GPRC5C: variants seen among roughly 807,000 people sequenced by gnomAD.
GPRC5C encodes G protein-coupled receptor family C group 5 member C.
Under a neutral mutation model 31.4 loss-of-function variants are expected in GPRC5C, and 22 were observed. That is an observed-to-expected ratio of 0.70 (90% CI 0.50 to 1.00). The LOEUF (loss-of-function observed/expected upper bound fraction) is 1.00. Ranked by LOEUF, GPRC5C falls within the 50% of genes least tolerant of loss-of-function variation. The pLI, the probability that GPRC5C is intolerant of heterozygous loss-of-function variation, is 0.00. For synonymous variants in GPRC5C, 249 were observed against 257.5 expected (o/e 0.97, Z 0.32); for missense variants, 557 against 597.2 (o/e 0.93, Z 0.70).
At chr17:74,438,229 A>ATG (rs1405023223) in intron 1 of GPRC5C, among the ~76,000 whole-genome samples, 4 of 112,780 alleles carry the variant, frequency 3.5e-5, no homozygotes, top group African/African-American at 2.0e-4. Flanking sequence ...ATATATATAT[A>ATG]TATATATATA....
intron 1 of GPRC5C, among the ~76,000 whole-genome samples, chr17:74,432,991 C>T (rs1049255274): frequency 2.0e-5 from 3 of 152,030 alleles, no homozygotes; most frequent in Non-Finnish European, 4.4e-5. Flanking sequence ...TTCAGAATCC[C>T]CCTGAGGGAA....
intron 1 of GPRC5C, 56 bp downstream of exon 1, chr17:74,432,197 C>G (rs754731705): frequency 3.2e-6 from 5 of 1,574,354 alleles, no homozygotes; most frequent in Middle Eastern, 1.7e-4. Context: ...ACGGAGCGCA[C>G]GTACCTGGAG....
chr17:74,448,846 C>A, downstream of GPRC5C: 1 of 1,289,180 alleles, frequency 7.8e-7, no homozygotes, highest in Non-Finnish European at 1.0e-6. Context: ...CCCAGAGAGG[C>A]CAGGCCAACA....
chr17:74,439,035 A>G (rs761735432), intron 1 of GPRC5C, among the ~76,000 whole-genome samples: 2 of 151,928 alleles, frequency 1.3e-5, no homozygotes, highest in African/African-American at 2.4e-5. Context: ...CCTGGTTCTT[A>G]CTTTTAAAAT....
At chr17:74,432,520 C>T (rs902464852) in intron 1 of GPRC5C, 19 of 1,009,668 alleles carry the variant, frequency 1.9e-5, no homozygotes, top group Non-Finnish European at 2.2e-5. Flanking sequence ...GCGGCGAGTC[C>T]CAGGTAAGGG....
At position 74,443,995 on chromosome 17, in the gene GPRC5C, C is replaced by T. The variant is rs2055586602; in HGVS notation, c.1146+83C>T. On this transcript the variant is annotated intron_variant, in intron 3 of 3. Transcript: ENST00000392627. ...AGGCCAGTGGGAGAAGGCCATGTGGCCAGAGCTGGGTTGGGTGGAGGTGGT... is the reference window on the plus strand; with the variant it reads ...AGGCCAGTGGGAGAAGGCCATGTGGTCAGAGCTGGGTTGGGTGGAGGTGGT... 5.1e-6 allele frequency: 5 copies of T among 973,652 alleles called. No individual in the cohort carries two copies. The South Asian group carries it at 6.9e-5, about 13-fold the overall frequency. The allele number at this position is 973,652 out of a possible 1,614,324, so 60.3% of individuals were successfully genotyped here. A position where few individuals can be genotyped will look rare whatever the true frequency, so the allele number is the denominator to read the frequency against.
chr17:74,436,893 G>A lies in GPRC5C; in HGVS notation c.-32-2852G>A, dbSNP rs1598427428. ...TTGTTATCCATAAATTATCTCCCAG[G>A]AGTGGGTCCATATTACGCCTTCCCT... On this transcript the variant is annotated intron_variant, in intron 1 of 3. Transcript: ENST00000392627. 2.0e-5 allele frequency among the ~76,000 whole-genome samples: 3 copies of A among 152,254 alleles called. No homozygotes were observed. In the South Asian group the frequency reaches 6.2e-4, roughly 32 times the overall value.
In GPRC5C at chr17:74,440,693, C is replaced by T; in HGVS notation, c.917C>T (p.Ser306Phe). The change falls in exon 2 of 4, where the codon TCC becomes TTC. Residue 306 changes from serine to phenylalanine, a missense_variant. Physicochemically the swap from Ser to Phe is radical, Grantham distance 155. Coordinates refer to ENST00000392627, the MANE Select transcript of GPRC5C (RefSeq NM_022036.4). This position sits in a 1 kb window ranked among gnomAD's most constrained non-coding sequence, Gnocchi z 4.4. ...VIPEVSQVTKSSPEQSYQGDM... is the reference protein window; with the variant it reads ...VIPEVSQVTKFSPEQSYQGDM... ...CCCGAGGTCTCCCAGGTGACCAAGTCCAGCCCAGAGCAAAGCTACCAGGGG... is the reference window on the plus strand; with the variant it reads ...CCCGAGGTCTCCCAGGTGACCAAGTTCAGCCCAGAGCAAAGCTACCAGGGG... 6.2e-7 allele frequency: 1 copy of T among 1,608,736 alleles called. No homozygotes were observed. The highest frequency in any genetic ancestry group is 1.1e-5 in the South Asian group (1 of 90,914).
rs2055583600 is a variant in GPRC5C at position 74,443,853 on chromosome 17, G to A, written c.1087G>A (p.Gly363Arg). 6.2e-7 allele frequency: 1 copy of A among 1,613,686 alleles called. No homozygotes were observed. Residue 363 changes from glycine (G) to arginine (R), a missense_variant, in exon 3 of 4, where the codon GGG becomes AGG. Gly to Arg is a moderately radical substitution (Grantham distance 125). Coordinates refer to ENST00000392627, the MANE Select transcript of GPRC5C (RefSeq NM_022036.4). ...RPVSPYSGYN[G>R]QLLTSVYQPT... ...GGTGTCACCATACAGCGGGTACAAT[G>A]GGCAGCTGCTGACCAGTGTGTACCA...
chr17:74,442,066 G>C (rs1282099467), intron 2 of GPRC5C, among the ~76,000 whole-genome samples: 1 of 152,072 alleles, frequency 6.6e-6, no homozygotes, highest in Non-Finnish European at 1.5e-5. Flanking sequence ...ACAGTGGTGT[G>C]ATCTTGGCTC....
chr17:74,440,456 C>T lies in GPRC5C; in HGVS notation c.680C>T (p.Ala227Val). The change falls in exon 2 of 4, where the codon GCC (alanine) becomes GTC (valine). Residue 227 changes from alanine (A) to valine (V), a missense_variant. Ala to Val is a moderately conservative substitution (Grantham distance 64, BLOSUM62 0). Coordinates refer to ENST00000392627, the MANE Select transcript of GPRC5C (RefSeq NM_022036.4). This position sits in a 1 kb window ranked among gnomAD's most constrained non-coding sequence, Gnocchi z 4.4. ...MLLLLGAFLG[A>V]WPALCGRYKR... ...CTGCTGCTGGGTGCCTTCCTGGGGG[C>T]CTGGCCCGCCCTGTGTGGCCGCTAC... 1 of 1,614,046 alleles carries T rather than the reference C, an allele frequency of 6.2e-7. No individual in the cohort carries two copies.
At chr17:74,436,384 GT>G (rs1021078921) in intron 1 of GPRC5C, among the ~76,000 whole-genome samples, 15 of 151,922 alleles carry the variant, frequency 9.9e-5, no homozygotes, top group Non-Finnish European at 2.2e-4. Flanking sequence ...GACCTGGTAT[GT>G]TTTTTTATTA....
chr17:74,447,037 T>TGGC lies in GPRC5C; in HGVS notation c.*11_*13dup. 6.2e-7 allele frequency: 1 copy of TGGC among 1,604,138 alleles called. No individual in the cohort carries two copies. Among genetic ancestry groups the TGGC allele is most frequent in the Non-Finnish European group, 8.5e-7 (1 of 1,171,862 alleles). On this transcript the variant is annotated 3_prime_UTR_variant, in exon 4 of 4. Transcript: ENST00000392627. ...CCTACGTGTGGGACTGAGTCAGCGGTGGCGAGGAGAGGCGGGCGGATTTGG... is the reference window on the plus strand; with the variant it reads ...CCTACGTGTGGGACTGAGTCAGCGGTGGCGGCGAGGAGAGGCGGGCGGATTTGG...
intron 2 of GPRC5C, among the ~76,000 whole-genome samples, chr17:74,441,271 C>T (rs1230295133): frequency 6.6e-6 from 1 of 151,990 alleles, no homozygotes; most frequent in African/African-American, 2.4e-5. Flanking sequence ...AGCAAGACTC[C>T]ATCTCAAAAT....
chr17:74,432,719 C>A (rs2055373710), intron 1 of GPRC5C, among the ~76,000 whole-genome samples: 1 of 147,544 alleles, frequency 6.8e-6, no homozygotes, highest in African/African-American at 2.5e-5. Context: ...CGCTGCGGCT[C>A]GGGCTGGAGG....
At chr17:74,444,558 A>G (rs1047698079) in intron 3 of GPRC5C, among the ~76,000 whole-genome samples, 1 of 152,114 alleles carries the variant, frequency 6.6e-6, no homozygotes, top group Non-Finnish European at 1.5e-5. Context: ...TCTTGGCAGG[A>G]CACTGGGAAC....
intron 3 of GPRC5C, among the ~76,000 whole-genome samples, chr17:74,444,378 G>A (rs1394441330): frequency 3.3e-5 from 5 of 152,160 alleles, no homozygotes; most frequent in Non-Finnish European, 7.4e-5. Flanking sequence ...CTCCCTCTCT[G>A]GCAGGCAGCA....
Position 74,440,966 on chromosome 17 carries a change from C to T in GPRC5C, c.1051+139C>T, listed in dbSNP as rs2055529268. ...TTTCTGCCTAAGTGTCTCTAAATTCCATTTAATTTAAAGATTTTTTTTTTT... is the reference window on the plus strand; with the variant it reads ...TTTCTGCCTAAGTGTCTCTAAATTCTATTTAATTTAAAGATTTTTTTTTTT... On this transcript the variant is annotated intron_variant, in intron 2 of 3. Transcript: ENST00000392627. The surrounding 1 kb of genome is among the most constrained non-coding windows in gnomAD (Gnocchi z 4.4). 7.4e-6 allele frequency: 5 copies of T among 672,652 alleles called. No individual in the cohort carries two copies. Among genetic ancestry groups the T allele is most frequent in the Non-Finnish European group, 8.4e-6 (4 of 474,560 alleles). 41.7% of individuals were successfully genotyped at this position (672,652 alleles called of 1,614,324 possible).
At chr17:74,448,927 C>G, downstream of GPRC5C, 1 of 1,280,600 alleles carries the variant, frequency 7.8e-7, no homozygotes, top group Non-Finnish European at 1.0e-6. Context: ...TAAGCCAGTC[C>G]AGTGGGTGGC....
Sources: gnomAD v4.1 joint callset for allele counts (sites outside exome capture counted in the v4.1 genomes callset) on GRCh38, gnomAD v4.1.1 for gene constraint, Gnocchi (gnomAD v3.1) non-coding constraint, MANE v1.5 for transcripts, NCBI Gene and HGNC (gene_info 2026-07-23, HGNC 2026-07-21) for gene names.